Variants in PTPRC observed in about 807,000 individuals in gnomAD.
PTPRC encodes receptor-type tyrosine-protein phosphatase C.
A neutral mutation model predicts 155.9 loss-of-function variants in PTPRC; 44 were observed. That is an observed-to-expected ratio of 0.28 (90% CI 0.22 to 0.36). The LOEUF (loss-of-function observed/expected upper bound fraction) is 0.36, where lower values mean the gene tolerates loss of function less well. Among genes scored for constraint, PTPRC ranks in the 10% least tolerant of loss-of-function variants. The pLI, the probability that PTPRC is intolerant of heterozygous loss-of-function variation, is 1.00. For missense variants in PTPRC, 1,401 were observed against 1,564.6 expected (o/e 0.90, Z 1.76); for synonymous variants, 525 against 533.1 (o/e 0.98, Z 0.21).
At chr1:198,689,438 C>T (rs1320029336) in intron 2 of PTPRC, among the ~76,000 whole-genome samples, 1 of 152,134 alleles carries the variant, frequency 6.6e-6, no homozygotes, top group Non-Finnish European at 1.5e-5. Flanking sequence ...TGGTGCTACA[C>T]ATTTTGGTGA....
intron 2 of PTPRC, among the ~76,000 whole-genome samples, chr1:198,659,393 C>G (rs548344297): frequency 1.0e-3 from 153 of 152,228 alleles, no homozygotes; most frequent in Non-Finnish European, 1.9e-3. Flanking sequence ...TGTGGCCCCT[C>G]CCCAGGTGGG....
intron 25 of PTPRC, among the ~76,000 whole-genome samples, chr1:198,742,702 A>G (rs574541788): frequency 2.1e-4 from 32 of 152,048 alleles, no homozygotes; most frequent in African/African-American, 7.5e-4. Flanking sequence ...ACAGAATAGT[A>G]TAGTAATCAA....
rs769284265 is a variant in PTPRC at position 198,702,520 on chromosome 1, G to A, written c.573G>A (p.Ala191=). The A allele has an allele frequency of 6.2e-6, 10 of 1,614,032 alleles. No individual in the cohort carries two copies. In the Admixed American group the frequency reaches 1.0e-4, roughly 16 times the overall value. The change falls in exon 6 of 33, where the codon GCG becomes GCA. Residue 191 remains alanine, a synonymous_variant. Transcript: ENST00000442510. The part of the protein sequence containing the change: ...PARTSNTTIT[A]NTSDAYLNAS... ...GCACCTCCAACACCACCATCACAGC[G>A]AACACCTCAGGTCTGACTATGCTGC...
chr1:198,686,099 A>G (rs540554825), intron 2 of PTPRC, among the ~76,000 whole-genome samples: 14 of 152,178 alleles, frequency 9.2e-5, no homozygotes, highest in Non-Finnish European at 1.5e-4. Context: ...GGTAACTTTG[A>G]TTTGTGATCA....
At chr1:198,719,934 G>A (rs1653804238) in intron 14 of PTPRC, among the ~76,000 whole-genome samples, 1 of 152,102 alleles carries the variant, frequency 6.6e-6, no homozygotes, top group Admixed American at 6.5e-5. Flanking sequence ...ACTTAAAGAA[G>A]TGTTTTCATA....
At chr1:198,752,498 T>C in intron 30 of PTPRC, 96 bp from the exon 31 acceptor site, 1 of 1,519,226 alleles carries the variant, frequency 6.6e-7, no homozygotes, top group Non-Finnish European at 9.0e-7. Flanking sequence ...TTTAAAATTA[T>C]TTAAATAGAA....
chr1:198,733,859 A>G (rs1654506569), intron 20 of PTPRC, among the ~76,000 whole-genome samples: 1 of 151,802 alleles, frequency 6.6e-6, no homozygotes, highest in Non-Finnish European at 1.5e-5. Context: ...TGATCCTATA[A>G]GAGTTGGCAG....
intron 32 of PTPRC, among the ~76,000 whole-genome samples, chr1:198,755,038 CTT>C (rs1361317372): frequency 6.6e-6 from 1 of 152,092 alleles, no homozygotes; most frequent in Non-Finnish European, 1.5e-5. Flanking sequence ...GGAAAGAAGA[CTT>C]GTGTGAGACC....
At chr1:198,663,732 G>T (rs532998247) in intron 2 of PTPRC, among the ~76,000 whole-genome samples, 2 of 152,266 alleles carry the variant, frequency 1.3e-5, no homozygotes, top group African/African-American at 4.8e-5. Context: ...GTGATTAACC[G>T]CTTTGTGCCT....
chr1:198,742,923 T>C (rs970504372), intron 25 of PTPRC, among the ~76,000 whole-genome samples: 1 of 151,784 alleles, frequency 6.6e-6, no homozygotes, highest in Non-Finnish European at 1.5e-5. Flanking sequence ...GCCCATGCTA[T>C]GCATTTGGTG....
At chr1:198,680,010 G>A in intron 2 of PTPRC, 1 of 568,770 alleles carries the variant, frequency 1.8e-6, no homozygotes, top group Non-Finnish European at 3.1e-6. Flanking sequence ...GCAGGCTCAA[G>A]GGCCTGGACC....
chr1:198,742,046 AAAAAAAACAACAAC>A lies in PTPRC; in HGVS notation c.2561+29_2561+42del. ...CTGCAGGTAGGAAAAACGAACAAAAAAAAAAAACAACAACAAAAAAACTCCAACAGAATCCACCT... is the reference window on the plus strand; with the variant it reads ...CTGCAGGTAGGAAAAACGAACAAAAAAAAAAAACTCCAACAGAATCCACCT... On this transcript the variant is annotated intron_variant, in intron 24 of 32. Coordinates refer to ENST00000442510, the MANE Select transcript of PTPRC (RefSeq NM_002838.5). The A allele has an allele frequency of 6.2e-7, 1 of 1,609,872 alleles. No homozygotes were observed. The highest frequency in any genetic ancestry group is 1.1e-5 in the South Asian group (1 of 90,896).
chr1:198,750,412 T>C, intron 28 of PTPRC, 80 bp from the exon 29 acceptor site: 1 of 1,444,102 alleles, frequency 6.9e-7, no homozygotes, highest in Non-Finnish European at 9.7e-7. Context: ...AAACTGACTA[T>C]ATTTCCAAAT....
At chr1:198,733,972 A>T (rs12727199) in intron 20 of PTPRC, among the ~76,000 whole-genome samples, 1 of 151,838 alleles carries the variant, frequency 6.6e-6, no homozygotes, top group African/African-American at 2.4e-5. Flanking sequence ...TACAGCAAAG[A>T]TACATGAAAG....
intron 12 of PTPRC, among the ~76,000 whole-genome samples, chr1:198,715,862 T>C (rs1362486047): frequency 6.6e-6 from 1 of 152,194 alleles, no homozygotes; most frequent in African/African-American, 2.4e-5. Context: ...CAGAAACATG[T>C]TGCCACTCTA....
chr1:198,707,019 C>A, intron 9 of PTPRC, 67 bp downstream of exon 9: 1 of 1,308,970 alleles, frequency 7.6e-7, no homozygotes, highest in Non-Finnish European at 1.1e-6. Context: ...TGGTGTTCTC[C>A]AGTGGTCACA....
rs2102384834 is a variant in PTPRC at position 198,696,820 on chromosome 1, C to T, written c.209C>T (p.Ser70Leu). ...ACCTTTGAAAGAGAAAATGACTTCTCAGAGACCACAACTTCTCTTAGTCCA... is the reference window on the plus strand; with the variant it reads ...ACCTTTGAAAGAGAAAATGACTTCTTAGAGACCACAACTTCTCTTAGTCCA... ...ASTFERENDF[S>L]ETTTSLSPDN... The change falls in exon 4 of 33, where the codon TCA (serine) becomes TTA (leucine). Residue 70 changes from serine (S) to leucine (L), a missense_variant. By Grantham distance (145) the Ser-to-Leu change is moderately radical. Transcript: ENST00000442510. 6.2e-7 allele frequency: 1 copy of T among 1,613,938 alleles called. No homozygotes were observed. Among genetic ancestry groups the T allele is most frequent in the Non-Finnish European group, 8.5e-7 (1 of 1,179,812 alleles).
At chr1:198,732,000 T>TC (rs1254333990) in intron 18 of PTPRC, among the ~76,000 whole-genome samples, 1 of 152,016 alleles carries the variant, frequency 6.6e-6, no homozygotes, top group African/African-American at 2.4e-5. Context: ...GTAGTTGTAC[T>TC]CTAGATACTC....
At chr1:198,640,915 C>G (rs1662544240) in intron 2 of PTPRC, among the ~76,000 whole-genome samples, 2 of 151,826 alleles carry the variant, frequency 1.3e-5, no homozygotes, top group South Asian at 4.1e-4. Flanking sequence ...GAAATATTTC[C>G]TTTGTGAATA....
Sources: gnomAD v4.1 joint callset for allele counts (sites outside exome capture counted in the v4.1 genomes callset) on GRCh38, gnomAD v4.1.1 for gene constraint, MANE v1.5 for transcripts, NCBI Gene and HGNC (gene_info 2026-07-23, HGNC 2026-07-21) for gene names.